Variants in FAT3 observed in about 807,000 individuals in gnomAD.
FAT3 encodes protocadherin Fat 3.
A neutral mutation model predicts 310.2 loss-of-function variants in FAT3; 95 were observed. The ratio of observed to expected loss-of-function variants is 0.31; its 90% CI spans 0.26 to 0.36. The LOEUF (loss-of-function observed/expected upper bound fraction) is 0.36, where lower values mean the gene tolerates loss of function less well. FAT3 is among the 10% of genes least tolerant of loss of function. FAT3 has a pLI of 1.00. For missense variants in FAT3, 5,408 were observed against 5,715.6 expected (o/e 0.95, Z 1.74); for synonymous variants, 2,314 against 2,192.9 (o/e 1.06, Z -1.54).
intron 13 of FAT3, among the ~76,000 whole-genome samples, chr11:92,811,674 A>G (rs892501384): frequency 6.6e-6 from 1 of 152,178 alleles, no homozygotes; most frequent in African/African-American, 2.4e-5. Context: ...CAAAACTGGA[A>G]TGAGGATCTT....
At chr11:92,252,270 A>G (rs777638402) in intron 1 of FAT3, among the ~76,000 whole-genome samples, 23 of 152,182 alleles carry the variant, frequency 1.5e-4, no homozygotes, top group Non-Finnish European at 2.8e-4. Context: ...AGCTTTTTGC[A>G]CAACCCTTGG....
chr11:92,435,169 C>G (rs1950896659), intron 2 of FAT3, among the ~76,000 whole-genome samples: 1 of 152,276 alleles, frequency 6.6e-6, no homozygotes, highest in East Asian at 1.9e-4. Flanking sequence ...AGCCTGTGTT[C>G]CATGGGACTG....
At chr11:92,455,992 G>A (rs1951484534) in intron 2 of FAT3, among the ~76,000 whole-genome samples, 1 of 152,210 alleles carries the variant, frequency 6.6e-6, no homozygotes, top group South Asian at 2.1e-4. Flanking sequence ...ACAGATGGCA[G>A]CTTGTGTGGT....
At chr11:92,297,673 A>T (rs1271213177) in intron 1 of FAT3, among the ~76,000 whole-genome samples, 1 of 152,084 alleles carries the variant, frequency 6.6e-6, no homozygotes, top group East Asian at 1.9e-4. Flanking sequence ...GCATTTGCAA[A>T]CATATTGTTT....
At chr11:92,412,168 T>A (rs918784397) in intron 2 of FAT3, among the ~76,000 whole-genome samples, 2 of 152,114 alleles carry the variant, frequency 1.3e-5, no homozygotes, top group African/African-American at 4.8e-5. Context: ...AGTGGTGTGA[T>A]CTAGGCTCAC....
intron 1 of FAT3, among the ~76,000 whole-genome samples, chr11:92,324,135 A>G (rs181649775): frequency 8.9e-4 from 136 of 152,318 alleles, no homozygotes; most frequent in African/African-American, 3.0e-3. Flanking sequence ...TCTGCTGTTC[A>G]GACCACTAAA....
At chr11:92,389,528 A>G (rs1025386142) in intron 2 of FAT3, among the ~76,000 whole-genome samples, 1 of 152,232 alleles carries the variant, frequency 6.6e-6, no homozygotes, top group Non-Finnish European at 1.5e-5. Flanking sequence ...TTAAACAAAA[A>G]TAGATTTAAA....
At chr11:92,326,665 G>T (rs1316231143) in intron 1 of FAT3, among the ~76,000 whole-genome samples, 2 of 152,180 alleles carry the variant, frequency 1.3e-5, no homozygotes, top group Non-Finnish European at 2.9e-5. Flanking sequence ...AAATAAATAA[G>T]CATGAAGCCT....
intron 3 of FAT3, among the ~76,000 whole-genome samples, chr11:92,588,847 T>C (rs1301044152): frequency 6.6e-6 from 1 of 151,648 alleles, no homozygotes; most frequent in African/African-American, 2.4e-5. Flanking sequence ...CAAGCCTCCC[T>C]CCAACAGTTT....
chr11:92,417,108 G>A (rs909258985), intron 2 of FAT3, among the ~76,000 whole-genome samples: 5 of 152,164 alleles, frequency 3.3e-5, no homozygotes, highest in Admixed American at 2.0e-4. Context: ...ATTTCTACAC[G>A]TCACTGTTTT....
intron 2 of FAT3, among the ~76,000 whole-genome samples, chr11:92,410,484 C>T (rs960697990): frequency 6.6e-6 from 1 of 152,106 alleles, no homozygotes; most frequent in African/African-American, 2.4e-5. Flanking sequence ...GATTATGATG[C>T]GATGCCCTAC....
intron 3 of FAT3, among the ~76,000 whole-genome samples, chr11:92,562,574 A>G (rs541646767): frequency 6.6e-6 from 1 of 152,298 alleles, no homozygotes; most frequent in African/African-American, 2.4e-5. Flanking sequence ...TCACACAATG[A>G]TGGAGGATAA....
At chr11:92,484,762 G>A (rs1471294120) in intron 2 of FAT3, among the ~76,000 whole-genome samples, 1 of 152,186 alleles carries the variant, frequency 6.6e-6, no homozygotes, top group East Asian at 1.9e-4. Flanking sequence ...CACTCTATAT[G>A]TTCGCTTCTA....
chr11:92,300,388 C>T (rs1946966960), intron 1 of FAT3, among the ~76,000 whole-genome samples: 1 of 152,050 alleles, frequency 6.6e-6, no homozygotes, highest in South Asian at 2.1e-4. Flanking sequence ...TTCTGCTAGA[C>T]CATGAGAACT....
At chr11:92,567,022 C>G (rs371659288) in intron 3 of FAT3, among the ~76,000 whole-genome samples, 8 of 151,984 alleles carry the variant, frequency 5.3e-5, no homozygotes, top group Non-Finnish European at 1.0e-4. Context: ...GCAACAAAAG[C>G]CAAAATTGAC....
intron 21 of FAT3, among the ~76,000 whole-genome samples, chr11:92,864,814 T>TA (rs111360878): frequency 5.0e-4 from 76 of 151,144 alleles, no homozygotes; most frequent in Admixed American, 1.6e-3. Context: ...AGACTCCATC[T>TA]AAAAAAAAAG....
intron 1 of FAT3, among the ~76,000 whole-genome samples, chr11:92,232,564 G>A (rs771738120): frequency 1.3e-5 from 2 of 148,924 alleles, no homozygotes; most frequent in Admixed American, 6.7e-5. Context: ...ATAATGTCTT[G>A]GATCTTTTTA....
intron 3 of FAT3, among the ~76,000 whole-genome samples, chr11:92,608,907 C>T (rs781779655): frequency 6.6e-6 from 1 of 152,070 alleles, no homozygotes; most frequent in Non-Finnish European, 1.5e-5. Context: ...CATACTGGTG[C>T]CATGCCCAGG....
chr11:92,322,398 G>A (rs927574011), intron 1 of FAT3, among the ~76,000 whole-genome samples: 2 of 152,176 alleles, frequency 1.3e-5, no homozygotes, highest in Non-Finnish European at 2.9e-5. Context: ...GATGTTGATG[G>A]CTGCTGCTGA....
Sources: allele counts gnomAD v4.1 joint callset (sites outside exome capture counted in the v4.1 genomes callset), GRCh38; gene constraint gnomAD v4.1.1; transcripts MANE v1.5; gene names NCBI Gene and HGNC (gene_info 2026-07-23, HGNC 2026-07-21).